Variants in CDH13 observed in about 807,000 individuals in gnomAD.
The protein encoded by CDH13 is cadherin-13.
CDH13 carries 24 observed loss-of-function variants against 63.8 expected under a neutral mutation model. The ratio of observed to expected loss-of-function variants is 0.38; its 90% confidence interval spans 0.27 to 0.53. The LOEUF (loss-of-function observed/expected upper bound fraction) is 0.53. CDH13 is among the 20% of genes least tolerant of loss of function. The pLI is 0.85. For missense variants in CDH13, 1,049 were observed against 903.1 expected (o/e 1.16, Z -2.07); for synonymous variants, 503 against 355.3 (o/e 1.42, Z -4.67).
At chr16:83,003,050 T>A (rs949103127) in intron 2 of CDH13, among the ~76,000 whole-genome samples, 1 of 152,208 alleles carries the variant, frequency 6.6e-6, no homozygotes, top group Non-Finnish European at 1.5e-5. Context: ...ATGACTCAGC[T>A]CATATGTGGT....
intron 5 of CDH13, among the ~76,000 whole-genome samples, chr16:83,334,324 C>G (rs913351199): frequency 4.1e-5 from 6 of 146,090 alleles, no homozygotes; most frequent in Non-Finnish European, 9.0e-5. Context: ...CTCCCTATCT[C>G]CCTCTCTCCC....
At chr16:83,065,081 A>G (rs965219115) in intron 3 of CDH13, among the ~76,000 whole-genome samples, 1 of 151,988 alleles carries the variant, frequency 6.6e-6, no homozygotes. Context: ...TTGATTTCCC[A>G]TACAAGTGAG....
At chr16:82,979,088 A>G (rs1909915329) in intron 2 of CDH13, among the ~76,000 whole-genome samples, 1 of 152,202 alleles carries the variant, frequency 6.6e-6, no homozygotes, top group African/African-American at 2.4e-5. Context: ...TGACTGCCCT[A>G]TTGGATTCTA....
chr16:82,645,558 TCCCAC>T (rs1306551855), intron 1 of CDH13, among the ~76,000 whole-genome samples: 5 of 151,900 alleles, frequency 3.3e-5, no homozygotes, highest in Non-Finnish European at 7.4e-5. Context: ...ACAGCACAGC[TCCCAC>T]CACAAAAGGT....
At position 83,656,272 on chromosome 16, in the gene CDH13, A is replaced by G. The variant is rs548970372; in HGVS notation, c.1102-14518A>G. 3.9e-5 allele frequency among the ~76,000 whole-genome samples: 6 copies of G among 152,322 alleles called. No individual in the cohort carries two copies. The South Asian group carries it at 1.0e-3, about 26-fold the overall frequency. ...GACTCCTGCATTTTCAGCCTTCACAACATGAATAAATGGTGGTGCTCTTTG... is the reference window on the plus strand; with the variant it reads ...GACTCCTGCATTTTCAGCCTTCACAGCATGAATAAATGGTGGTGCTCTTTG... On this transcript the variant is annotated intron_variant, in intron 8 of 13. Coordinates refer to ENST00000567109, the MANE Select transcript of CDH13 (RefSeq NM_001257.5).
At chr16:83,619,273 G>A (rs897862322) in intron 8 of CDH13, among the ~76,000 whole-genome samples, 2 of 152,160 alleles carry the variant, frequency 1.3e-5, no homozygotes, top group Admixed American at 1.3e-4. Context: ...GCATGGCTGG[G>A]GACAACCAGC....
chr16:83,118,665 G>A (rs1017932892), intron 3 of CDH13, among the ~76,000 whole-genome samples: 1 of 152,112 alleles, frequency 6.6e-6, no homozygotes, highest in African/African-American at 2.4e-5. Context: ...CAGTTCTTTA[G>A]AGAGTGCAGA....
At chr16:83,369,526 C>T (rs1233076874) in intron 6 of CDH13, among the ~76,000 whole-genome samples, 1 of 152,118 alleles carries the variant, frequency 6.6e-6, no homozygotes, top group African/African-American at 2.4e-5. Context: ...TCGGGTCATC[C>T]TCCCACCTCA....
chr16:83,182,022 C>T (rs547514948), intron 4 of CDH13, among the ~76,000 whole-genome samples: 95 of 152,276 alleles, frequency 6.2e-4, no homozygotes, highest in Non-Finnish European at 1.0e-3. Flanking sequence ...TGGCAAAGTG[C>T]TATTGTGGGA....
At chr16:83,238,475 G>T (rs971549550) in intron 5 of CDH13, among the ~76,000 whole-genome samples, 1 of 152,192 alleles carries the variant, frequency 6.6e-6, no homozygotes, top group Non-Finnish European at 1.5e-5. Context: ...TGGGGGGATT[G>T]TGGAGCTACA....
At chr16:83,739,149 C>G (rs1278198607) in intron 10 of CDH13, among the ~76,000 whole-genome samples, 1 of 152,110 alleles carries the variant, frequency 6.6e-6, no homozygotes, top group Admixed American at 6.5e-5. Context: ...ACTCACTGCA[C>G]CTAAACTGCT....
At chr16:82,822,694 T>C (rs2038060798) in intron 1 of CDH13, among the ~76,000 whole-genome samples, 1 of 152,196 alleles carries the variant, frequency 6.6e-6, no homozygotes, top group Non-Finnish European at 1.5e-5. Flanking sequence ...TGGGTCTCCC[T>C]GTGTTACCCA....
intron 6 of CDH13, among the ~76,000 whole-genome samples, chr16:83,353,046 A>T (rs1216981462): frequency 6.6e-6 from 1 of 152,228 alleles, no homozygotes; most frequent in African/African-American, 2.4e-5. Flanking sequence ...AGAGTGTGGA[A>T]TAATAGACTT....
At chr16:83,374,913 C>A (rs1125292) in intron 6 of CDH13, among the ~76,000 whole-genome samples, 60,726 of 152,070 alleles carry the variant, frequency 0.4, 12,520 homozygotes, top group Middle Eastern at 0.47. Context: ...TGTGGGCAGC[C>A]TATATATACA....
intron 1 of CDH13, among the ~76,000 whole-genome samples, chr16:82,653,259 G>A (rs1347962813): frequency 2.0e-5 from 3 of 152,164 alleles, no homozygotes; most frequent in African/African-American, 7.2e-5. Context: ...TGCCAGTTAC[G>A]TGGCAACTCA....
intron 4 of CDH13, among the ~76,000 whole-genome samples, chr16:83,158,172 C>G (rs552248438): frequency 6.6e-6 from 1 of 152,064 alleles, no homozygotes; most frequent in Non-Finnish European, 1.5e-5. Context: ...CCCACTCCCC[C>G]CGGACAACAA....
intron 1 of CDH13, among the ~76,000 whole-genome samples, chr16:82,783,114 T>A (rs2035842838): frequency 6.6e-6 from 1 of 152,192 alleles, no homozygotes; most frequent in Non-Finnish European, 1.5e-5. Flanking sequence ...TTCCATTCCG[T>A]TATTGCAGGG....
intron 7 of CDH13, among the ~76,000 whole-genome samples, chr16:83,516,570 G>T (rs1363191832): frequency 6.6e-6 from 1 of 152,124 alleles, no homozygotes; most frequent in Non-Finnish European, 1.5e-5. Flanking sequence ...TCTCTTCCTA[G>T]ACCTGGGATT....
chr16:83,452,519 C>G (rs867363888), intron 6 of CDH13, among the ~76,000 whole-genome samples: 3 of 151,888 alleles, frequency 2.0e-5, no homozygotes, highest in African/African-American at 7.3e-5. Flanking sequence ...TCCTCACTTT[C>G]TCGGTTCGTT....
Sources: gnomAD v4.1 joint callset for allele counts (sites outside exome capture counted in the v4.1 genomes callset) on GRCh38, gnomAD v4.1.1 for gene constraint, MANE v1.5 for transcripts, NCBI Gene and HGNC (gene_info 2026-07-23, HGNC 2026-07-21) for gene names.